The following TAF1 variants were observed in gnomAD, a reference collection of about 807,000 sequenced individuals.
The protein encoded by TAF1 is TATA-box binding protein associated factor 1.
A neutral mutation model predicts 138.5 loss-of-function variants in TAF1; 2 were observed. The ratio of observed to expected loss-of-function variants is 0.01; its 90% CI spans 0.01 to 0.05. TAF1 has a LOEUF of 0.05. Ranked by LOEUF, TAF1 falls within the 10% of genes least tolerant of loss-of-function variation. TAF1 has a pLI of 1.00. For missense variants in TAF1, 709 were observed against 1,478.0 expected (o/e 0.48, Z 8.53); for synonymous variants, 437 against 503.2 (o/e 0.87, Z 1.76).
intron 22 of TAF1, among the ~76,000 whole-genome samples, chrX:71,397,006 C>T (rs2034891363): frequency 1.3e-5 from 1 of 78,996 alleles, no homozygotes; most frequent in South Asian, 6.9e-4. Flanking sequence ...GCCTGGGCAA[C>T]AGAGCGAGAG....
chrX:71,408,604 G>A (rs1215111177), intron 28 of TAF1, among the ~76,000 whole-genome samples: 4 of 111,697 alleles, frequency 3.6e-5, no homozygotes, highest in Non-Finnish European at 7.5e-5. Context: ...ACTGCGCCCG[G>A]CCTAATGTCA....
intron 13 of TAF1, among the ~76,000 whole-genome samples, chrX:71,502,976 A>G (rs1265252852): frequency 9.2e-6 from 1 of 108,940 alleles, no homozygotes; most frequent in Non-Finnish European, 1.9e-5. Flanking sequence ...CAAAAAACAA[A>G]CAAACAAAAA....
intron 32 of TAF1, among the ~76,000 whole-genome samples, chrX:71,448,236 T>G (rs892285218): frequency 8.1e-5 from 9 of 111,769 alleles, no homozygotes; most frequent in Non-Finnish European, 1.7e-4. Context: ...TCAGCAACTT[T>G]ACTATTCCTG....
rs771779078 is a variant in TAF1, at chrX:71,389,578, C to T, written c.2701-7C>T. ...ACTGATTTATGCATGGATCTGTCCTCTTCCAGGATGCTGGCTATGGTGAGA... is the reference window on the plus strand; with the variant it reads ...ACTGATTTATGCATGGATCTGTCCTTTTCCAGGATGCTGGCTATGGTGAGA... On this transcript the variant is annotated splice_region_variant and splice_polypyrimidine_tract_variant and intron_variant, in intron 17 of 37. Transcript: ENST00000423759. 8.3e-7 allele frequency: 1 copy of T among 1,198,604 alleles called. No individual in the cohort carries two copies. Among genetic ancestry groups the T allele is most frequent in the Non-Finnish European group, 1.1e-6 (1 of 890,363 alleles).
chrX:71,419,282 C>A (rs766080374), intron 28 of TAF1, among the ~76,000 whole-genome samples: 7 of 110,276 alleles, frequency 6.3e-5, no homozygotes, highest in African/African-American at 2.3e-4. Context: ...AAAATTCCCA[C>A]CCCTGGAAAT....
At chrX:71,446,596 GTTTA>G (rs1054100119) in intron 32 of TAF1, among the ~76,000 whole-genome samples, 22 of 111,971 alleles carry the variant, frequency 2.0e-4, no homozygotes, top group Non-Finnish European at 3.2e-4. Flanking sequence ...GTTTTGAAGT[GTTTA>G]TTTTTCTAGT....
intron 13 of TAF1, among the ~76,000 whole-genome samples, chrX:71,478,924 T>G (rs939110383): frequency 8.9e-6 from 1 of 112,270 alleles, no homozygotes; most frequent in African/African-American, 3.2e-5. Context: ...CGTGAGCCAC[T>G]GCACCTAGCT....
At chrX:71,452,109 AC>A (rs41443746) in intron 32 of TAF1, among the ~76,000 whole-genome samples, 6,208 of 50,324 alleles carry the variant, frequency 0.12, 346 homozygotes, top group African/African-American at 0.27. Flanking sequence ...CGGGGGGCTG[AC>A]CCCCCCCCCC....
chrX:71,398,722 G>A lies in TAF1; in HGVS notation c.3771G>A (p.Glu1257=). The change falls in exon 24 of 38, where the codon GAG becomes GAA. Residue 1257 remains glutamate, a synonymous_variant. Coordinates refer to ENST00000423759, the MANE Select transcript of TAF1 (RefSeq NM_004606.5). ...PPEKKPKKMK[E]RPDLKLKCGA... Reference sequence around the variant, plus strand: ...AGAAGAAGCCCAAGAAAATGAAGGAGCGTCCTGACCTAAAAGTAAGTATAA... The same window carrying A: ...AGAAGAAGCCCAAGAAAATGAAGGAACGTCCTGACCTAAAAGTAAGTATAA... 8.3e-7 allele frequency: 1 copy of A among 1,205,851 alleles called. No individual in the cohort carries two copies. The highest frequency in any genetic ancestry group is 1.1e-6 in the Non-Finnish European group (1 of 893,702).
intron 32 of TAF1, among the ~76,000 whole-genome samples, chrX:71,445,298 CAAAA>C (rs41356545): frequency 5.4e-5 from 2 of 36,970 alleles, no homozygotes; most frequent in East Asian, 1.2e-3. Context: ...AGACTCATCT[CAAAA>C]AAAAAAAAAA....
At chrX:71,445,979 C>T (rs1014098278) in intron 32 of TAF1, among the ~76,000 whole-genome samples, 7 of 106,093 alleles carry the variant, frequency 6.6e-5, no homozygotes, top group East Asian at 2.9e-4. Context: ...GGCATGATCT[C>T]GGCTCACTGT....
At chrX:71,466,604 C>G (rs995983957), downstream of TAF1, 13 of 112,011 alleles carry the variant, frequency 1.2e-4, no homozygotes, top group African/African-American at 4.2e-4. Context: ...TTTCAAACTC[C>G]TGACCTCAGA....
At chrX:71,386,959 A>G (rs1745166220) in intron 14 of TAF1, 1 of 265,771 alleles carries the variant, frequency 3.8e-6, no homozygotes, top group Non-Finnish European at 6.6e-6. Context: ...AGATGAGGAA[A>G]ACTAAACTTA....
intron 9 of TAF1, among the ~76,000 whole-genome samples, 184 bp downstream of exon 9, chrX:71,382,103 C>T (rs1405710448): frequency 9.0e-6 from 1 of 111,724 alleles, no homozygotes; most frequent in Non-Finnish European, 1.9e-5. Context: ...GGAACACTCA[C>T]GTAGGAATGT....
intron 28 of TAF1, among the ~76,000 whole-genome samples, chrX:71,408,599 G>A (rs934329069): frequency 1.8e-5 from 2 of 111,635 alleles, no homozygotes; most frequent in Admixed American, 9.5e-5. Context: ...GAGCCACTGC[G>A]CCCGGCCTAA....
At chrX:71,389,554 C>G in intron 17 of TAF1, 31 bp from the exon 18 acceptor site, 1 of 1,151,512 alleles carries the variant, frequency 8.7e-7, no homozygotes, top group Middle Eastern at 2.4e-4. Context: ...TTTTAACTGA[C>G]TGATTTATGC....
At chrX:71,374,226 GC>G (rs1432168356) in intron 3 of TAF1, among the ~76,000 whole-genome samples, 3 of 110,504 alleles carry the variant, frequency 2.7e-5, no homozygotes, top group Admixed American at 1.9e-4. Flanking sequence ...GGGATTACAG[GC>G]ACATGCCACC....
At chrX:71,454,059 T>C in intron 32 of TAF1, 111 bp from the exon 33 acceptor site, 1 of 640,253 alleles carries the variant, frequency 1.6e-6, no homozygotes, top group Non-Finnish European at 2.4e-6. Context: ...AAGTTAAAGC[T>C]GAGGCATGGT....
In TAF1 at chrX:71,368,178, T is replaced by C; in HGVS notation, c.352+8T>C. On this transcript the variant is annotated splice_region_variant and intron_variant, in intron 3 of 37. Coordinates refer to ENST00000423759, the MANE Select transcript of TAF1 (RefSeq NM_004606.5). ...AGCCCCTTTGCCACTCAGGTGATTC[T>C]TTGGTGTATTGGCTTGAACATTCCA... 1 of 1,206,787 alleles carries C rather than the reference T, an allele frequency of 8.3e-7. No homozygotes were observed. Among genetic ancestry groups the C allele is most frequent in the South Asian group, 1.8e-5 (1 of 56,662 alleles).
Sources: gnomAD v4.1 joint callset for allele counts (sites outside exome capture counted in the v4.1 genomes callset) on GRCh38, gnomAD v4.1.1 for gene constraint, MANE v1.5 for transcripts, NCBI Gene and HGNC (gene_info 2026-07-23, HGNC 2026-07-21) for gene names.